Variants in COG5 observed in about 807,000 individuals in gnomAD.
The protein encoded by COG5 is component of oligomeric golgi complex 5.
COG5 carries 86 observed loss-of-function variants against 110.4 expected under a neutral mutation model. The observed-to-expected ratio is 0.78, with a 90% CI of 0.65 to 0.93. The LOEUF (loss-of-function observed/expected upper bound fraction) is 0.93. Among genes scored for constraint, COG5 ranks in the 40% least tolerant of loss-of-function variants. COG5 has a pLI of 0.00. For synonymous variants in COG5, 360 were observed against 334.6 expected, an observed-to-expected ratio of 1.08 and a Z score of -0.83; for missense variants, 1,077 against 987.0, an observed-to-expected ratio of 1.09 and a Z score of -1.22.
chr7:107,322,344 C>G lies in COG5; in HGVS notation c.1108+2096G>C, dbSNP rs531259957. Reference sequence around the variant, plus strand: ...AAGGCACAGTCTATGAACCAGGAAGCAGGCCCTCACCAAATACTAAATCTT... The same window carrying G: ...AAGGCACAGTCTATGAACCAGGAAGGAGGCCCTCACCAAATACTAAATCTT... On this transcript the variant is annotated intron_variant, in intron 11 of 21. Coordinates refer to ENST00000297135, the MANE Select transcript of COG5 (RefSeq NM_006348.5). Among the ~76,000 whole-genome samples, 14 of 152,312 alleles carry G rather than the reference C, an allele frequency of 9.2e-5. No homozygotes were observed. In the South Asian group the frequency reaches 2.9e-3, roughly 32 times the overall value.
chr7:107,211,359 C>A, intron 19 of COG5, 134 bp from the exon 20 acceptor site: 1 of 971,452 alleles, frequency 1.0e-6, no homozygotes, highest in Non-Finnish European at 1.6e-6. Flanking sequence ...TGCTTAACCA[C>A]TCTATTCAGC....
chr7:107,458,773 C>A (rs1017477533), intron 6 of COG5, among the ~76,000 whole-genome samples: 30 of 152,162 alleles, frequency 2.0e-4, no homozygotes, highest in African/African-American at 7.0e-4. Context: ...GCAGGAAGAT[C>A]ACTTGAGCCC....
intron 7 of COG5, among the ~76,000 whole-genome samples, chr7:107,379,063 G>A (rs1035234518): frequency 9.2e-5 from 14 of 152,144 alleles, no homozygotes; most frequent in Admixed American, 7.2e-4. Context: ...TCAGACTAAC[G>A]GCAGATCTCT....
At chr7:107,402,973 C>T (rs1387526154) in intron 7 of COG5, among the ~76,000 whole-genome samples, 1 of 152,102 alleles carries the variant, frequency 6.6e-6, no homozygotes, top group Non-Finnish European at 1.5e-5. Context: ...CATATCTAAA[C>T]AGTCATTTAG....
At chr7:107,516,170 C>T (rs1047105126) in intron 6 of COG5, among the ~76,000 whole-genome samples, 2 of 152,178 alleles carry the variant, frequency 1.3e-5, no homozygotes, top group African/African-American at 4.8e-5. Context: ...AATAATTCTG[C>T]TTATTCTCTG....
At chr7:107,343,883 T>C (rs1039512533) in intron 10 of COG5, among the ~76,000 whole-genome samples, 12 of 150,884 alleles carry the variant, frequency 8.0e-5, no homozygotes, top group Admixed American at 2.0e-4. Flanking sequence ...TTTTTTTTTT[T>C]CTGAGCAGGT....
At chr7:107,401,449 A>G (rs1344702841) in intron 7 of COG5, among the ~76,000 whole-genome samples, 7 of 152,192 alleles carry the variant, frequency 4.6e-5, no homozygotes, top group Non-Finnish European at 1.0e-4. Context: ...TATTTAATTG[A>G]ATACCAATGT....
intron 11 of COG5, among the ~76,000 whole-genome samples, chr7:107,308,935 G>A (rs973147680): frequency 7.1e-6 from 1 of 140,698 alleles, no homozygotes; most frequent in Admixed American, 8.4e-5. Flanking sequence ...CTAATGTAAA[G>A]GGTTACAGAA....
chr7:107,225,332 A>C (rs1800258772), intron 19 of COG5, among the ~76,000 whole-genome samples: 2 of 152,060 alleles, frequency 1.3e-5, no homozygotes, highest in South Asian at 4.2e-4. Context: ...TTCAAATGGG[A>C]AAAACAATGC....
In COG5 at chr7:107,512,686, T is replaced by C. The variant is rs1045751950; in HGVS notation, c.538+14551A>G. ...AGTAACCAAAGCAGCATGGTACTGG[T>C]ACCAAAACAGAGGTATAGACCAATG... is the stretch of plus-strand genomic sequence containing the variant. On this transcript the variant is annotated intron_variant, in intron 6 of 21. Coordinates refer to ENST00000297135, the MANE Select transcript of COG5 (RefSeq NM_006348.5). Among the ~76,000 whole-genome samples, 33 of 152,350 alleles carry C rather than the reference T, an allele frequency of 2.2e-4. No individual in the cohort carries two copies. In the East Asian group the frequency reaches 5.8e-3, roughly 27 times the overall value.
chr7:107,362,239 G>A, intron 9 of COG5, 69 bp downstream of exon 9: 2 of 1,419,656 alleles, frequency 1.4e-6, no homozygotes, highest in Non-Finnish European at 2.0e-6. Flanking sequence ...ACCTGCCCAA[G>A]GTCACACAAT....
At chr7:107,468,607 T>C (rs1796444483) in intron 6 of COG5, among the ~76,000 whole-genome samples, 1 of 152,248 alleles carries the variant, frequency 6.6e-6, no homozygotes, top group South Asian at 2.1e-4. Flanking sequence ...ACAACAAAAT[T>C]TTCCACCATA....
intron 6 of COG5, among the ~76,000 whole-genome samples, chr7:107,443,261 T>C (rs759386180): frequency 1.3e-5 from 2 of 152,162 alleles, no homozygotes; most frequent in Non-Finnish European, 2.9e-5. Flanking sequence ...TAAAAGATCA[T>C]ATATTATATT....
chr7:107,468,642 C>T (rs1796446609), intron 6 of COG5, among the ~76,000 whole-genome samples: 1 of 152,136 alleles, frequency 6.6e-6, no homozygotes, highest in South Asian at 2.1e-4. Flanking sequence ...TATAGAAATG[C>T]AACTCACAAC....
intron 5 of COG5, among the ~76,000 whole-genome samples, chr7:107,543,423 C>T (rs1802193547): frequency 6.6e-6 from 1 of 152,114 alleles, no homozygotes; most frequent in Admixed American, 6.5e-5. Flanking sequence ...GGGCAGGCTG[C>T]CCCCGCCCGA....
intron 7 of COG5, among the ~76,000 whole-genome samples, chr7:107,405,256 T>C (rs865783613): frequency 6.6e-6 from 1 of 152,134 alleles, no homozygotes; most frequent in Non-Finnish European, 1.5e-5. Context: ...GCAATTGAGA[T>C]AACAAATGTA....
intron 19 of COG5, among the ~76,000 whole-genome samples, chr7:107,230,053 G>A (rs1665310431): frequency 2.0e-5 from 3 of 152,008 alleles, no homozygotes; most frequent in South Asian, 4.1e-4. Context: ...GTTTCACCAT[G>A]TTGGCCAGGA....
At chr7:107,267,268 T>G (rs980788061) in intron 14 of COG5, among the ~76,000 whole-genome samples, 1 of 152,194 alleles carries the variant, frequency 6.6e-6, no homozygotes, top group Non-Finnish European at 1.5e-5. Context: ...AATCTCCACC[T>G]GGCAATACAG....
chr7:107,369,554 T>C (rs1813938993), intron 8 of COG5, among the ~76,000 whole-genome samples: 1 of 151,938 alleles, frequency 6.6e-6, no homozygotes, highest in South Asian at 2.1e-4. Context: ...GCCCGGCTAA[T>C]TTTTCTGTAT....
Sources: gnomAD v4.1 joint callset for allele counts (sites outside exome capture counted in the v4.1 genomes callset) on GRCh38, gnomAD v4.1.1 for gene constraint, MANE v1.5 for transcripts, NCBI Gene and HGNC (gene_info 2026-07-23, HGNC 2026-07-21) for gene names.